The following PCCA variants were observed in gnomAD, a reference collection of about 807,000 sequenced individuals.
The protein encoded by PCCA is propionyl-CoA carboxylase subunit alpha, also known as propionyl-CoA carboxylase alpha chain, mitochondrial.
PCCA carries 74 observed loss-of-function variants against 101.3 expected under a neutral mutation model. The observed-to-expected ratio is 0.73, with a 90% CI of 0.61 to 0.89. The LOEUF (loss-of-function observed/expected upper bound fraction) is 0.89, where lower values mean the gene tolerates loss of function less well. Ranked by LOEUF, PCCA falls within the 40% of genes least tolerant of loss-of-function variation. The probability of loss-of-function intolerance (pLI) is 0.00; values close to 1 mark genes in which losing one functional copy is unlikely to be tolerated. For missense variants in PCCA, 891 were observed against 907.0 expected (o/e 0.98, Z 0.23); for synonymous variants, 294 against 313.6 (o/e 0.94, Z 0.66).
At chr13:100,374,299 T>C (rs1355990447) in intron 19 of PCCA, among the ~76,000 whole-genome samples, 1 of 152,186 alleles carries the variant, frequency 6.6e-6, no homozygotes, top group Non-Finnish European at 1.5e-5. Flanking sequence ...TAATTAATAG[T>C]ATAAAACCTG....
At chr13:100,197,751 A>C (rs971425667) in intron 6 of PCCA, among the ~76,000 whole-genome samples, 20 of 152,166 alleles carry the variant, frequency 1.3e-4, no homozygotes, top group African/African-American at 4.8e-4. Flanking sequence ...TATTGTTTAA[A>C]GTACACTGAG....
At chr13:100,413,997 G>A (rs2078206788) in intron 19 of PCCA, among the ~76,000 whole-genome samples, 1 of 152,160 alleles carries the variant, frequency 6.6e-6, no homozygotes, top group African/African-American at 2.4e-5. Flanking sequence ...CCGTAAAACT[G>A]AAATTAAAGT....
At chr13:100,274,114 C>T (rs2063485969) in intron 12 of PCCA, among the ~76,000 whole-genome samples, 3 of 152,272 alleles carry the variant, frequency 2.0e-5, no homozygotes, top group Non-Finnish European at 2.9e-5. Flanking sequence ...ATTCTGATTC[C>T]CCCTCCATCT....
At chr13:100,230,232 G>A (rs992665177) in intron 7 of PCCA, among the ~76,000 whole-genome samples, 1 of 152,034 alleles carries the variant, frequency 6.6e-6, no homozygotes, top group East Asian at 1.9e-4. Context: ...GGTGTGGGAG[G>A]ACTGGAAAGG....
chr13:100,295,240 G>T (rs2065436541), intron 12 of PCCA, among the ~76,000 whole-genome samples: 1 of 152,150 alleles, frequency 6.6e-6, no homozygotes, highest in African/African-American at 2.4e-5. Context: ...AAAAATAATG[G>T]CATTGACCAT....
intron 6 of PCCA, among the ~76,000 whole-genome samples, chr13:100,192,670 GCACTC>G (rs1233853905): frequency 6.6e-6 from 1 of 152,160 alleles, no homozygotes; most frequent in African/African-American, 2.4e-5. Flanking sequence ...TCACGCCACT[GCACTC>G]CATAGAGCCA....
rs570104148 is a variant in PCCA, at chr13:100,266,749, C to T, written c.820-1940C>T. On this transcript the variant is annotated intron_variant, in intron 10 of 23. Transcript: ENST00000376285. ...ATGGCACCTCTCTTTGTGGCATAAA[C>T]CAGTATTTCTCAACCAGGGCACTAC... Among the ~76,000 whole-genome samples, 5 of 152,288 alleles carry T rather than the reference C, an allele frequency of 3.3e-5. No individual in the cohort carries two copies. The South Asian group carries it at 1.0e-3, about 32-fold the overall frequency.
chr13:100,400,714 C>T (rs990525641), intron 19 of PCCA, among the ~76,000 whole-genome samples: 1 of 148,696 alleles, frequency 6.7e-6, no homozygotes, highest in African/African-American at 2.5e-5. Flanking sequence ...CAACCTCCAC[C>T]CACTGGGTTC....
intron 4 of PCCA, among the ~76,000 whole-genome samples, chr13:100,122,751 G>A (rs941028106): frequency 2.6e-5 from 4 of 152,096 alleles, no homozygotes. Context: ...TAGTCTGGGT[G>A]GCTTATAAAC....
chr13:100,512,731 T>C (rs1288224004), intron 21 of PCCA, among the ~76,000 whole-genome samples: 1 of 152,224 alleles, frequency 6.6e-6, no homozygotes, highest in Non-Finnish European at 1.5e-5. Flanking sequence ...TTCAGAGTCT[T>C]GGATTCCTAC....
chr13:100,233,598 A>G (rs1334399004), intron 7 of PCCA, among the ~76,000 whole-genome samples: 27 of 152,222 alleles, frequency 1.8e-4, no homozygotes. Context: ...ATGTTCTCAA[A>G]GACCATATTG....
In PCCA at chr13:100,093,135, A is replaced by G. The variant is rs537736929; in HGVS notation, c.105+3910A>G. ...AGGATGAAAAAGGAATTTGGGAAGA[A>G]ACACTTTTTTGGTGGGGCTGGAAAC... On this transcript the variant is annotated intron_variant, in intron 1 of 23. Coordinates refer to ENST00000376285, the MANE Select transcript of PCCA (RefSeq NM_000282.4). Among the ~76,000 whole-genome samples, 4 of 141,428 alleles carry G rather than the reference A, an allele frequency of 2.8e-5. No homozygotes were observed. In the East Asian group the frequency reaches 9.2e-4, roughly 32 times the overall value. 92.8% of individuals were successfully genotyped at this position (141,428 alleles called of 152,430 possible).
chr13:100,143,551 T>TA (rs572832682), intron 4 of PCCA, among the ~76,000 whole-genome samples: 3,968 of 136,500 alleles, frequency 0.029, 69 homozygotes, highest in South Asian at 0.075. Flanking sequence ...AAAAAAAAAA[T>TA]AAAAAAAAAA....
chr13:100,214,097 A>G (rs2059378651), intron 7 of PCCA, among the ~76,000 whole-genome samples: 2 of 152,098 alleles, frequency 1.3e-5, no homozygotes, highest in African/African-American at 2.4e-5. Flanking sequence ...TGCCAGTACT[A>G]TGCTGTTTTG....
chr13:100,172,680 C>T (rs1033787369), intron 6 of PCCA, among the ~76,000 whole-genome samples: 3 of 152,182 alleles, frequency 2.0e-5, no homozygotes, highest in Admixed American at 6.5e-5. Context: ...TGATTGTGGC[C>T]ATGTTATGAA....
chr13:100,478,369 C>G (rs994798725), intron 21 of PCCA, among the ~76,000 whole-genome samples: 4 of 152,204 alleles, frequency 2.6e-5, no homozygotes, highest in African/African-American at 9.6e-5. Context: ...CTGGGATCAG[C>G]CTGCTCTGGC....
chr13:100,378,975 G>T (rs948558426), intron 19 of PCCA, among the ~76,000 whole-genome samples: 1 of 152,034 alleles, frequency 6.6e-6, no homozygotes, highest in Admixed American at 6.6e-5. Flanking sequence ...TCCTTTGGAG[G>T]TATCATATTC....
intron 12 of PCCA, among the ~76,000 whole-genome samples, chr13:100,298,595 T>G (rs2065749763): frequency 5.2e-5 from 1 of 19,198 alleles, no homozygotes; most frequent in African/African-American, 2.5e-4. Flanking sequence ...ATCTTTTCCC[T>G]CCCTCCCTCC....
intron 10 of PCCA, among the ~76,000 whole-genome samples, chr13:100,265,773 A>G (rs2062894820): frequency 6.6e-6 from 1 of 151,864 alleles, no homozygotes; most frequent in Non-Finnish European, 1.5e-5. Context: ...TCTCTCTCCC[A>G]GGCTAGAATT....
Sources: allele counts gnomAD v4.1 joint callset (sites outside exome capture counted in the v4.1 genomes callset), GRCh38; gene constraint gnomAD v4.1.1; transcripts MANE v1.5; gene names NCBI Gene and HGNC (gene_info 2026-07-23, HGNC 2026-07-21).